MEGF11: variants seen among roughly 807,000 people sequenced by gnomAD.
MEGF11 encodes multiple EGF like domains 11.
In MEGF11, 126 loss-of-function variants were observed where a neutral mutation model predicts 146.6. The observed-to-expected ratio is 0.86, with a 90% CI of 0.74 to 1.00. The LOEUF is 1.00. Ranked by LOEUF, MEGF11 falls within the 50% of genes least tolerant of loss-of-function variation. The pLI, the probability that MEGF11 is intolerant of heterozygous loss-of-function variation, is 0.00. For missense variants in MEGF11, 1,509 were observed against 1,521.2 expected (o/e 0.99, Z 0.13); for synonymous variants, 532 against 583.4 (o/e 0.91, Z 1.27).
At chr15:65,913,996 A>G in intron 19 of MEGF11, 23 bp from the exon 20 acceptor site, 1 of 1,599,460 alleles carries the variant, frequency 6.3e-7, no homozygotes. Flanking sequence ...GGAGGGCCTG[A>G]GCCTGGGGCT....
At chr15:66,049,056 T>A (rs1304081212) in intron 5 of MEGF11, among the ~76,000 whole-genome samples, 1 of 152,100 alleles carries the variant, frequency 6.6e-6, no homozygotes, top group African/African-American at 2.4e-5. Context: ...GAGTGGGCAT[T>A]CTGGGGGAGG....
At chr15:66,225,091 C>G (rs181050144) in intron 1 of MEGF11, among the ~76,000 whole-genome samples, 45 of 152,340 alleles carry the variant, frequency 3.0e-4, no homozygotes, top group Middle Eastern at 3.4e-3. Context: ...CAGCAAGGCC[C>G]AGGCTGGGCA....
chr15:66,228,984 C>T (rs532586484), intron 1 of MEGF11, among the ~76,000 whole-genome samples: 6 of 152,224 alleles, frequency 3.9e-5, no homozygotes, highest in Admixed American at 2.6e-4. Context: ...GTGGTAACTG[C>T]TCCCCACTGG....
At chr15:66,113,867 C>T (rs987251308) in intron 4 of MEGF11, among the ~76,000 whole-genome samples, 2 of 150,294 alleles carry the variant, frequency 1.3e-5, no homozygotes, top group African/African-American at 2.5e-5. Flanking sequence ...GGCGACAGAG[C>T]GAAACTCTGT....
intron 5 of MEGF11, among the ~76,000 whole-genome samples, chr15:66,079,885 G>C (rs2085772739): frequency 6.6e-6 from 1 of 152,180 alleles, no homozygotes; most frequent in Non-Finnish European, 1.5e-5. Context: ...TCCTCATCCT[G>C]ACAAAGGTCT....
At chr15:65,995,873 C>T (rs576761448) in intron 5 of MEGF11, among the ~76,000 whole-genome samples, 3 of 152,314 alleles carry the variant, frequency 2.0e-5, no homozygotes, top group African/African-American at 4.8e-5. Context: ...ACACACAATG[C>T]GCCCTACTAT....
intron 1 of MEGF11, among the ~76,000 whole-genome samples, chr15:66,250,410 G>A (rs2092353656): frequency 6.6e-6 from 1 of 152,116 alleles, no homozygotes; most frequent in Non-Finnish European, 1.5e-5. Context: ...TCTGTTCTAC[G>A]ACTAAACTTT....
At chr15:66,009,623 C>T (rs571523052) in intron 5 of MEGF11, among the ~76,000 whole-genome samples, 42 of 149,506 alleles carry the variant, frequency 2.8e-4, no homozygotes, top group Middle Eastern at 3.4e-3. Context: ...GACAGAGTCT[C>T]GCTCTGTTGC....
At chr15:65,991,533 C>G (rs932536512) in intron 5 of MEGF11, among the ~76,000 whole-genome samples, 2 of 152,150 alleles carry the variant, frequency 1.3e-5, no homozygotes, top group Non-Finnish European at 2.9e-5. Context: ...GCATCCCTGG[C>G]CTCTACCCAC....
chr15:66,161,354 G>A (rs892662681), intron 1 of MEGF11, among the ~76,000 whole-genome samples: 5 of 152,218 alleles, frequency 3.3e-5, no homozygotes, highest in Admixed American at 6.5e-5. Flanking sequence ...GAAACCAGCA[G>A]AAGGATGTGT....
intron 24 of MEGF11, among the ~76,000 whole-genome samples, chr15:65,903,908 C>T (rs912251982): frequency 6.6e-5 from 10 of 152,262 alleles, no homozygotes; most frequent in African/African-American, 2.2e-4. Context: ...GGTACATTTG[C>T]TTACATAGCT....
rs929789297 is a variant in MEGF11, at chr15:65,897,551, T to G, written c.*383A>C. 1.3e-5 allele frequency: 2 copies of G among 154,644 alleles called. No homozygotes were observed. The highest frequency in any genetic ancestry group is 4.8e-5 in the African/African-American group (2 of 41,532). The allele number at this position is 154,644 out of a possible 1,614,324, so 9.6% of individuals were successfully genotyped here. A position where few individuals can be genotyped will look rare whatever the true frequency, so the allele number is the denominator to read the frequency against. ...CGTTTCAGGTGCTTTAAAGTAATCCTCTTCCCTCCCCAGTCTCCTTTTTGT... is the reference window on the plus strand; with the variant it reads ...CGTTTCAGGTGCTTTAAAGTAATCCGCTTCCCTCCCCAGTCTCCTTTTTGT... On this transcript the variant is annotated 3_prime_UTR_variant, in exon 26 of 26. Transcript: ENST00000395614.
intron 1 of MEGF11, among the ~76,000 whole-genome samples, chr15:66,221,079 G>C (rs553643555): frequency 6.6e-6 from 1 of 152,184 alleles, no homozygotes; most frequent in African/African-American, 2.4e-5. Flanking sequence ...TACTATTTTT[G>C]CAACTTCTAT....
At chr15:66,075,834 C>T (rs1207958131) in intron 5 of MEGF11, among the ~76,000 whole-genome samples, 2 of 152,132 alleles carry the variant, frequency 1.3e-5, no homozygotes, top group Admixed American at 1.3e-4. Flanking sequence ...GCGTATGTAT[C>T]CATGAAATAA....
chr15:65,999,032 A>T (rs906727312), intron 5 of MEGF11, among the ~76,000 whole-genome samples: 1 of 147,170 alleles, frequency 6.8e-6, no homozygotes, highest in African/African-American at 2.5e-5. Context: ...CTTGTCCTCC[A>T]TGTGGGTGTC....
intron 1 of MEGF11, among the ~76,000 whole-genome samples, chr15:66,144,128 CT>C (rs1157404078): frequency 1.3e-5 from 2 of 152,222 alleles, no homozygotes; most frequent in African/African-American, 4.8e-5. Flanking sequence ...CACTAAGCCA[CT>C]ATGCCCACCC....
chr15:66,127,491 G>A (rs151303087), intron 2 of MEGF11, among the ~76,000 whole-genome samples: 170 of 152,238 alleles, frequency 1.1e-3, no homozygotes, highest in African/African-American at 3.9e-3. Flanking sequence ...CCCCCGCTCC[G>A]AGTCCCCCGC....
intron 5 of MEGF11, among the ~76,000 whole-genome samples, chr15:66,044,644 C>T (rs2140312583): frequency 6.6e-6 from 1 of 150,920 alleles, no homozygotes; most frequent in East Asian, 1.9e-4. Context: ...AGTTTGAGAC[C>T]AGCCTGGGCA....
intron 1 of MEGF11, among the ~76,000 whole-genome samples, chr15:66,220,789 G>C (rs536632485): frequency 6.6e-6 from 1 of 151,958 alleles, no homozygotes; most frequent in African/African-American, 2.4e-5. Flanking sequence ...CTCCTGCTTC[G>C]GCCTCCCAAA....
Sources: gnomAD v4.1 joint callset for allele counts (sites outside exome capture counted in the v4.1 genomes callset) on GRCh38, gnomAD v4.1.1 for gene constraint, MANE v1.5 for transcripts, NCBI Gene and HGNC (gene_info 2026-07-23, HGNC 2026-07-21) for gene names.